Variants in JAZF1 observed in about 807,000 individuals in gnomAD.
JAZF1 encodes JAZF zinc finger 1, also known as juxtaposed with another zinc finger protein 1.
JAZF1 carries 8 observed loss-of-function variants against 26.4 expected under a neutral mutation model. The observed-to-expected ratio is 0.30, with a 90% CI of 0.18 to 0.55. The LOEUF (loss-of-function observed/expected upper bound fraction) is 0.55, where lower values mean the gene tolerates loss of function less well. Among genes scored for constraint, JAZF1 ranks in the 20% least tolerant of loss-of-function variants. The pLI, the probability that JAZF1 is intolerant of heterozygous loss-of-function variation, is 0.94. For missense variants in JAZF1, 199 were observed against 322.0 expected (o/e 0.62, Z 2.92); for synonymous variants, 126 against 122.3 (o/e 1.03, Z -0.20).
At chr7:28,004,493 G>C (rs1370429213) in intron 1 of JAZF1, among the ~76,000 whole-genome samples, 1 of 152,090 alleles carries the variant, frequency 6.6e-6, no homozygotes, top group East Asian at 1.9e-4. Context: ...CTCTGAGAAG[G>C]CTCAGAAACT....
intron 2 of JAZF1, among the ~76,000 whole-genome samples, chr7:27,969,098 A>G (rs1229342229): frequency 6.6e-6 from 1 of 152,182 alleles, no homozygotes; most frequent in African/African-American, 2.4e-5. Context: ...GCAAACTTGG[A>G]CAACTCACAA....
In JAZF1 at chr7:28,128,569, A is replaced by T. The variant is rs74765099; in HGVS notation, c.115+51894T>A. Among the ~76,000 whole-genome samples, 1,001 of 152,222 alleles carry T rather than the reference A, an allele frequency of 6.6e-3. 18 individuals carry two copies. Among genetic ancestry groups the T allele is most frequent in the African/African-American group, 0.023 (965 of 41,530 alleles). ...CACAGGCCCGGCCCCAGACTTAATG[A>T]ATTAGAAATCTGGCAGTGGCCCCAG... On this transcript the variant is annotated intron_variant, in intron 1 of 4. Coordinates refer to ENST00000283928, the MANE Select transcript of JAZF1 (RefSeq NM_175061.4).
At chr7:28,060,844 A>G (rs1783786068) in intron 1 of JAZF1, among the ~76,000 whole-genome samples, 1 of 152,180 alleles carries the variant, frequency 6.6e-6, no homozygotes. Context: ...GAAAGTCCAG[A>G]GCCTCCAGAG....
chr7:28,012,332 T>C lies in JAZF1; in HGVS notation c.116-20351A>G, dbSNP rs377130581. Among the ~76,000 whole-genome samples, 9 of 152,122 alleles carry C rather than the reference T, an allele frequency of 5.9e-5. No homozygotes were observed. In the East Asian group the frequency reaches 9.6e-4, roughly 16 times the overall value. ...ACAGCATGGTAACAGGGCACAGCAATTGGCAAAGACAGCTAATATTTCACA... is the reference window on the plus strand; with the variant it reads ...ACAGCATGGTAACAGGGCACAGCAACTGGCAAAGACAGCTAATATTTCACA... On this transcript the variant is annotated intron_variant, in intron 1 of 4. Coordinates refer to ENST00000283928, the MANE Select transcript of JAZF1 (RefSeq NM_175061.4).
At chr7:28,058,428 G>C (rs80155557) in intron 1 of JAZF1, among the ~76,000 whole-genome samples, 6,257 of 152,170 alleles carry the variant, frequency 0.041, 335 homozygotes, top group East Asian at 0.29. Context: ...ATCTCACCCT[G>C]AAGCATTCTG....
intron 1 of JAZF1, among the ~76,000 whole-genome samples, chr7:28,050,787 A>G (rs1012308104): frequency 1.3e-5 from 2 of 152,146 alleles, no homozygotes; most frequent in Admixed American, 6.5e-5. Context: ...AATATTTTAC[A>G]TATGCTTTCT....
rs1784310777 is a variant in JAZF1 at position 28,092,290 on chromosome 7, C to CCA, written c.115+88172_115+88173insTG. Among the ~76,000 whole-genome samples the CCA allele has an allele frequency of 8.7e-3, 111 of 12,800 alleles. 1 individual carries two copies. Among genetic ancestry groups the CCA allele is most frequent in the African/African-American group, 0.023 (105 of 4,644 alleles). The allele number at this position is 12,800 out of a possible 152,430, so 8.4% of individuals were successfully genotyped here. Reference sequence around the variant, plus strand: ...AACATCCCATTTCAGGGACAAAAGGCAAAAAAAAAAAAAAAAAAAAAAAAA... The same window carrying CCA: ...AACATCCCATTTCAGGGACAAAAGGCCAAAAAAAAAAAAAAAAAAAAAAAAAA... On this transcript the variant is annotated intron_variant, in intron 1 of 4. Transcript: ENST00000283928.
chr7:27,853,133 G>A (rs938889190), intron 3 of JAZF1, among the ~76,000 whole-genome samples: 1 of 152,116 alleles, frequency 6.6e-6, no homozygotes, highest in African/African-American at 2.4e-5. Context: ...GGTTTTTGGT[G>A]TCAGTTTTGG....
rs950041300 is a variant in JAZF1, at chr7:27,857,016, G to T, written c.386-16149C>A. ...ACCCAGTGGATCCTGCACCAGGGCC[G>T]CAGGTGGAGCTGCCTGCCAGTCCCG... On this transcript the variant is annotated intron_variant, in intron 3 of 4. Coordinates refer to ENST00000283928, the MANE Select transcript of JAZF1 (RefSeq NM_175061.4). Among the ~76,000 whole-genome samples the T allele has an allele frequency of 2.0e-5, 3 of 152,248 alleles. No homozygotes were observed. In the South Asian group the frequency reaches 6.2e-4, roughly 31 times the overall value.
intron 3 of JAZF1, among the ~76,000 whole-genome samples, chr7:27,882,559 T>C (rs1381904261): frequency 6.6e-6 from 1 of 152,238 alleles, no homozygotes; most frequent in Admixed American, 6.5e-5. Flanking sequence ...TACCACTTGT[T>C]CTGAGTGCAT....
chr7:28,117,354 T>G (rs1030998174), intron 1 of JAZF1, among the ~76,000 whole-genome samples: 2 of 152,238 alleles, frequency 1.3e-5, no homozygotes, highest in Non-Finnish European at 2.9e-5. Context: ...GATACAAATA[T>G]ATTTGTATAT....
intron 2 of JAZF1, among the ~76,000 whole-genome samples, chr7:27,988,171 C>G (rs963361159): frequency 7.3e-5 from 10 of 136,710 alleles, no homozygotes; most frequent in African/African-American, 2.8e-4. Flanking sequence ...GAGAAACACC[C>G]AAGAATGATC....
intron 3 of JAZF1, among the ~76,000 whole-genome samples, chr7:27,849,312 G>A (rs1250061742): frequency 1.3e-5 from 2 of 152,218 alleles, no homozygotes; most frequent in African/African-American, 4.8e-5. Context: ...TGCCACCCAG[G>A]TGGCTGTGGT....
At position 28,036,535 on chromosome 7, in the gene JAZF1, T is replaced by C. The variant is rs76633296; in HGVS notation, c.116-44554A>G. On this transcript the variant is annotated intron_variant, in intron 1 of 4. Transcript: ENST00000283928. Reference sequence around the variant, plus strand: ...ACGCAACCTCACTCTGCAGGCAGCTTTGGACACAGAGCATCTTGAAAAAGG... The same window carrying C: ...ACGCAACCTCACTCTGCAGGCAGCTCTGGACACAGAGCATCTTGAAAAAGG... Among the ~76,000 whole-genome samples the C allele has an allele frequency of 0.027, 4,079 of 152,240 alleles. 330 individuals are homozygous for C. In the East Asian group the frequency reaches 0.32, roughly 12 times the overall value.
At chr7:28,165,570 C>G (rs1337555646) in intron 1 of JAZF1, among the ~76,000 whole-genome samples, 1 of 152,144 alleles carries the variant, frequency 6.6e-6, no homozygotes, top group East Asian at 1.9e-4. Context: ...TCCCAGCTCC[C>G]TCTCCTATCC....
At chr7:27,988,915 C>A (rs1785829840) in intron 2 of JAZF1, among the ~76,000 whole-genome samples, 7 of 86,244 alleles carry the variant, frequency 8.1e-5, no homozygotes, top group East Asian at 3.8e-4. Context: ...TAAAAAGAAT[C>A]TCTGTAAAAA....
At chr7:27,988,813 A>G (rs38514) in intron 2 of JAZF1, among the ~76,000 whole-genome samples, 122,105 of 151,278 alleles carry the variant, frequency 0.81, 49,831 homozygotes, top group African/African-American at 0.92. Context: ...TGGAACACGC[A>G]TGTTTCAAGT....
At chr7:27,851,390 C>G (rs1225001127) in intron 3 of JAZF1, among the ~76,000 whole-genome samples, 1 of 152,164 alleles carries the variant, frequency 6.6e-6, no homozygotes, top group African/African-American at 2.4e-5. Context: ...TGGTTCACAC[C>G]TGTTCACACA....
chr7:28,022,785 G>C (rs1355472143), intron 1 of JAZF1, among the ~76,000 whole-genome samples: 5 of 152,104 alleles, frequency 3.3e-5, no homozygotes, highest in East Asian at 1.9e-4. Context: ...TTTTGAGATG[G>C]AGTCTCTGTT....
Sources: gnomAD v4.1 joint callset for allele counts (sites outside exome capture counted in the v4.1 genomes callset) on GRCh38, gnomAD v4.1.1 for gene constraint, MANE v1.5 for transcripts, NCBI Gene and HGNC (gene_info 2026-07-23, HGNC 2026-07-21) for gene names.